PACSIN1: variants seen among roughly 807,000 people sequenced by gnomAD.
The protein encoded by PACSIN1 is protein kinase C and casein kinase substrate in neurons protein 1.
Under a neutral mutation model 59.5 loss-of-function variants are expected in PACSIN1, and 15 were observed. The observed-to-expected ratio is 0.25, with a 90% CI of 0.17 to 0.39. The LOEUF (loss-of-function observed/expected upper bound fraction) is 0.39. Among genes scored for constraint, PACSIN1 ranks in the 10% least tolerant of loss-of-function variants. PACSIN1 has a pLI of 1.00. For missense variants in PACSIN1, 420 were observed against 580.2 expected (o/e 0.72, Z 2.84); for synonymous variants, 210 against 220.6 (o/e 0.95, Z 0.42).
At chr6:34,527,792 C>G in intron 3 of PACSIN1, 1 of 237,894 alleles carries the variant, frequency 4.2e-6, no homozygotes, top group South Asian at 1.5e-4. Context: ...ACTGGCCCCA[C>G]GTTTTCTCAC....
At chr6:34,501,237 G>C (rs1049647837) in intron 1 of PACSIN1, among the ~76,000 whole-genome samples, 3 of 152,208 alleles carry the variant, frequency 2.0e-5, no homozygotes, top group African/African-American at 7.2e-5. Context: ...AGCCACTGAG[G>C]CTGGCCTCCA....
At position 34,482,033 on chromosome 6, in the gene PACSIN1, G is replaced by C. The variant is rs146746229; in HGVS notation, c.-64+15763G>C. Among the ~76,000 whole-genome samples, 512 of 152,184 alleles carry C rather than the reference G, an allele frequency of 3.4e-3. 3 individuals carry two copies. The highest frequency in any genetic ancestry group is 0.011 in the African/African-American group (466 of 41,526). On this transcript the variant is annotated intron_variant, in intron 1 of 9. Coordinates refer to ENST00000244458, the MANE Select transcript of PACSIN1 (RefSeq NM_020804.5). Reference sequence around the variant, plus strand: ...TTATTCTGGAAGATTCATATAAATTGAATCATATAAGCCTTTTGTGACTGG... The same window carrying C: ...TTATTCTGGAAGATTCATATAAATTCAATCATATAAGCCTTTTGTGACTGG...
In PACSIN1 at chr6:34,530,318, C is replaced by A. The variant is rs147174363; in HGVS notation, c.864C>A (p.Arg288=). ...ADAQEDLRWF[R]STSGPGMPMN... is the part of the protein sequence containing the mutation. ...CCCAGGAAGACCTCAGATGGTTCCGCAGCACCAGTGGCCCCGGCATGCCCA... is the reference window on the plus strand; with the variant it reads ...CCCAGGAAGACCTCAGATGGTTCCGAAGCACCAGTGGCCCCGGCATGCCCA... The change falls in exon 7 of 10, where the codon CGC becomes CGA. Residue 288 remains arginine (R), a synonymous_variant. Coordinates refer to ENST00000244458, the MANE Select transcript of PACSIN1 (RefSeq NM_020804.5). The surrounding 1 kb of genome is among the most constrained non-coding windows in gnomAD (Gnocchi z 4.4). The A allele has an allele frequency of 1.4e-5, 23 of 1,614,044 alleles. No individual in the cohort carries two copies. In the African/African-American group the frequency reaches 3.1e-4, roughly 22 times the overall value.
intron 1 of PACSIN1, among the ~76,000 whole-genome samples, chr6:34,498,164 T>C (rs1443104431): frequency 1.3e-5 from 2 of 152,062 alleles, no homozygotes; most frequent in Admixed American, 1.3e-4. Flanking sequence ...CGGGTTCAAG[T>C]GATTTTTCTG....
At chr6:34,497,915 A>G (rs1197791507) in intron 1 of PACSIN1, among the ~76,000 whole-genome samples, 2 of 152,198 alleles carry the variant, frequency 1.3e-5, no homozygotes, top group African/African-American at 4.8e-5. Flanking sequence ...AATTGGGACT[A>G]AGATTTCAGT....
intron 1 of PACSIN1, among the ~76,000 whole-genome samples, chr6:34,517,833 C>T (rs1360947914): frequency 6.6e-6 from 1 of 152,220 alleles, no homozygotes; most frequent in East Asian, 1.9e-4. Context: ...CTTGCCTGCT[C>T]AGCCTCTCTA....
rs112447487 is a variant in PACSIN1 at position 34,476,852 on chromosome 6, A to G, written c.-64+10582A>G. 1.6e-3 allele frequency among the ~76,000 whole-genome samples: 250 copies of G among 152,328 alleles called. 1 individual carries two copies. The highest frequency in any genetic ancestry group is 5.9e-3 in the African/African-American group (247 of 41,584). On this transcript the variant is annotated intron_variant, in intron 1 of 9. Coordinates refer to ENST00000244458, the MANE Select transcript of PACSIN1 (RefSeq NM_020804.5). ...CAAACAGGGCCAAGACAATCCTGAC[A>G]GGGAGCAACCAAATCACAAAATTGC...
rs183226706 is a variant in PACSIN1, at chr6:34,521,089, G to A, written c.-63-5154G>A. 8.1e-4 allele frequency among the ~76,000 whole-genome samples: 123 copies of A among 152,362 alleles called. No homozygotes were observed. The highest frequency in any genetic ancestry group is 2.8e-3 in the African/African-American group (118 of 41,576). ...TGTTGCCGGCACTGCACTGGATGCT[G>A]GAAATACGGCAGATAACCAGACAGA... On this transcript the variant is annotated intron_variant, in intron 1 of 9. Transcript: ENST00000244458. The surrounding 1 kb of genome is among the most constrained non-coding windows in gnomAD (Gnocchi z 4.3).
rs768604420 is a variant in PACSIN1, at chr6:34,498,131, G to A, written c.-63-28112G>A. Among the ~76,000 whole-genome samples, 21 of 152,170 alleles carry A rather than the reference G, an allele frequency of 1.4e-4. No individual in the cohort carries two copies. The Middle Eastern group carries it at 0.024, about 173-fold the overall frequency. On this transcript the variant is annotated intron_variant, in intron 1 of 9. Transcript: ENST00000244458. ...GGCTGGAGTGCAGTGGCACGATCTC[G>A]GCTCATTGCAACCTCTGCCTCCCGG...
chr6:34,513,868 CATT>C (rs1452944158), intron 1 of PACSIN1, among the ~76,000 whole-genome samples: 1 of 152,140 alleles, frequency 6.6e-6, no homozygotes, highest in African/African-American at 2.4e-5. Flanking sequence ...GGAGGCCACT[CATT>C]ATTCAGCCCC....
chr6:34,467,917 C>T (rs2113829841), intron 1 of PACSIN1, among the ~76,000 whole-genome samples: 1 of 152,260 alleles, frequency 6.6e-6, no homozygotes, highest in East Asian at 1.9e-4. Context: ...AGTGTTGCAA[C>T]CTGCTGGCTC....
chr6:34,485,898 T>C (rs1766786415), intron 1 of PACSIN1, among the ~76,000 whole-genome samples: 1 of 152,094 alleles, frequency 6.6e-6, no homozygotes, highest in Non-Finnish European at 1.5e-5. Context: ...TGGAAAGGCT[T>C]CGGAGGGAGT....
chr6:34,529,621 C>T lies in PACSIN1; in HGVS notation c.613-45C>T. 1 of 1,612,306 alleles carries T rather than the reference C, an allele frequency of 6.2e-7. No homozygotes were observed. Among genetic ancestry groups the T allele is most frequent in the Non-Finnish European group, 8.5e-7 (1 of 1,178,584 alleles). On this transcript the variant is annotated intron_variant, in intron 5 of 9. Coordinates refer to ENST00000244458, the MANE Select transcript of PACSIN1 (RefSeq NM_020804.5). The surrounding 1 kb of genome is among the most constrained non-coding windows in gnomAD (Gnocchi z 6.3). ...TGCAGAGGGTGGTGGCTGGGAGCTG[C>T]AGGCCTGGCTAGGTGTCACCCTCTC...
At position 34,532,582 on chromosome 6, in the gene PACSIN1, C is replaced by G. The variant is rs1490248277; in HGVS notation, c.*52C>G. The G allele has an allele frequency of 1.0e-6, 1 of 985,744 alleles. No homozygotes were observed. The highest frequency in any genetic ancestry group is 1.6e-5 in the African/African-American group (1 of 61,738). 61.1% of individuals were successfully genotyped at this position (985,744 alleles called of 1,614,324 possible). A position where few individuals can be genotyped will look rare whatever the true frequency, so the allele number is the denominator to read the frequency against. On this transcript the variant is annotated 3_prime_UTR_variant, in exon 10 of 10. Transcript: ENST00000244458. The surrounding 1 kb of genome is among the most constrained non-coding windows in gnomAD (Gnocchi z 5.2). ...ACTCCTCCCCACTGCCGCCCCTCCC[C>G]TCCCACTCTCGTCTCCTTCCCCTCG... is the stretch of plus-strand genomic sequence containing the variant.
Position 34,496,424 on chromosome 6 carries a change from C to A in PACSIN1, c.-63-29819C>A, listed in dbSNP as rs762393145. Among the ~76,000 whole-genome samples the A allele has an allele frequency of 1.9e-3, 288 of 152,304 alleles. 6 individuals carry two copies. Among genetic ancestry groups the A allele is most frequent in the Non-Finnish European group, 9.9e-4 (67 of 68,018 alleles). On this transcript the variant is annotated intron_variant, in intron 1 of 9. Coordinates refer to ENST00000244458, the MANE Select transcript of PACSIN1 (RefSeq NM_020804.5). ...CTGAGGTCTTCTGGGGTGATCTCTG[C>A]CAGCCTGAGGCGGGAGGCACATGGG...
chr6:34,492,678 G>A (rs1041574434), intron 1 of PACSIN1, among the ~76,000 whole-genome samples: 16 of 152,314 alleles, frequency 1.1e-4, no homozygotes, highest in African/African-American at 3.1e-4. Context: ...CACTACGCCC[G>A]GCCTGGAGGC....
At chr6:34,474,972 C>G (rs2127239781) in intron 1 of PACSIN1, among the ~76,000 whole-genome samples, 1 of 152,216 alleles carries the variant, frequency 6.6e-6, no homozygotes, top group African/African-American at 2.4e-5. Flanking sequence ...CTGGAATTCT[C>G]TTCCCCAAAG....
At position 34,530,581 on chromosome 6, in the gene PACSIN1, G is replaced by T. The variant is rs199727996; in HGVS notation, c.1031G>T (p.Arg344Leu). 3.2e-6 allele frequency: 5 copies of T among 1,575,092 alleles called. No individual in the cohort carries two copies. Among genetic ancestry groups the T allele is most frequent in the Non-Finnish European group, 4.3e-6 (5 of 1,161,028 alleles). Residue 344 changes from arginine (R) to leucine (L), a missense_variant, in exon 8 of 10, where the codon CGC (arginine) becomes CTC (leucine). Arg to Leu is a moderately radical substitution (Grantham distance 102, BLOSUM62 -2). Coordinates refer to ENST00000244458, the MANE Select transcript of PACSIN1 (RefSeq NM_020804.5). The surrounding 1 kb of genome is among the most constrained non-coding windows in gnomAD (Gnocchi z 4.4). ...AVESTSQAGD[R>L]GSVSSYDRGQ... ...GAGTCCACATCCCAGGCTGGGGACC[G>T]CGGCAGGTGAGTGCCTCCTGTGGAG...
chr6:34,523,363 TC>T (rs1451576745), intron 1 of PACSIN1, among the ~76,000 whole-genome samples: 1 of 152,224 alleles, frequency 6.6e-6, no homozygotes, highest in Non-Finnish European at 1.5e-5. Flanking sequence ...ACAAGCTCTG[TC>T]CCTGTTACAT....
Sources: allele counts gnomAD v4.1 joint callset (sites outside exome capture counted in the v4.1 genomes callset), GRCh38; gene constraint gnomAD v4.1.1; non-coding constraint Gnocchi (gnomAD v3.1); transcripts MANE v1.5; gene names NCBI Gene and HGNC (gene_info 2026-07-23, HGNC 2026-07-21).